PCDHGB2: variants seen among roughly 807,000 people sequenced by gnomAD.
The protein encoded by PCDHGB2 is protocadherin gamma subfamily B, 2, also known as protocadherin gamma-B2.
Under a neutral mutation model 59.3 loss-of-function variants are expected in PCDHGB2, and 55 were observed. That is an observed-to-expected ratio of 0.93 (90% CI 0.75 to 1.16). PCDHGB2 has a LOEUF of 1.16. Ranked by LOEUF, PCDHGB2 falls within the 50% of genes most tolerant of loss-of-function variation. The probability of loss-of-function intolerance (pLI) is 0.00; values close to 1 mark genes in which losing one functional copy is unlikely to be tolerated. For missense variants in PCDHGB2, 1,228 were observed against 1,198.5 expected, an observed-to-expected ratio of 1.02 and a Z score of -0.36; for synonymous variants, 516 against 512.0, an observed-to-expected ratio of 1.01 and a Z score of -0.11.
chr5:141,494,762 A>G (rs770570158), intron 1 of PCDHGB2, 45 bp from the exon 2 acceptor site: 1 of 1,613,200 alleles, frequency 6.2e-7, no homozygotes, highest in South Asian at 1.1e-5. Flanking sequence ...TGACATTCTA[A>G]CTTCTCACGG....
chr5:141,368,406 T>A (rs1160875072), intron 1 of PCDHGB2, among the ~76,000 whole-genome samples: 2 of 151,988 alleles, frequency 1.3e-5, no homozygotes, highest in Non-Finnish European at 2.9e-5. Context: ...CACACATACA[T>A]ACACACATGG....
intron 1 of PCDHGB2, among the ~76,000 whole-genome samples, chr5:141,464,286 A>AT (rs1453289283): frequency 6.6e-6 from 1 of 151,420 alleles, no homozygotes; most frequent in African/African-American, 2.4e-5. Flanking sequence ...AAGCAAAAAA[A>AT]AAAACTCCAT....
Position 141,475,063 on chromosome 5 carries a change from C to T in PCDHGB2, c.2422-19744C>T, listed in dbSNP as rs552623067. Among the ~76,000 whole-genome samples the T allele has an allele frequency of 1.1e-4, 16 of 152,320 alleles. No individual in the cohort carries two copies. The South Asian group carries it at 2.9e-3, about 28-fold the overall frequency. The stretch of plus-strand genomic sequence containing the variant: ...TTGTATTTTCTAAAGATTTGTGGAG[C>T]TTTGCTGCCATTATTTCAATAATTT... On this transcript the variant is annotated intron_variant, in intron 1 of 3. Coordinates refer to ENST00000522605, the MANE Select transcript of PCDHGB2 (RefSeq NM_018923.3).
At chr5:141,377,524 G>A (rs574411289) in intron 1 of PCDHGB2, 3 of 151,920 alleles carry the variant, frequency 2.0e-5, no homozygotes, top group Admixed American at 6.6e-5. Context: ...TAAGTCCAGG[G>A]GTATGAGGCT....
chr5:141,384,522 T>A, intron 1 of PCDHGB2: 2 of 1,614,192 alleles, frequency 1.2e-6, no homozygotes, highest in Non-Finnish European at 1.7e-6. Flanking sequence ...GGGACCCGCC[T>A]CTCAGCAGCA....
At chr5:141,430,980 T>C in intron 1 of PCDHGB2, 1 of 1,613,618 alleles carries the variant, frequency 6.2e-7, no homozygotes, top group African/African-American at 1.3e-5. Context: ...AGGACGCAGC[T>C]TTTCGCCCTG....
intron 1 of PCDHGB2, chr5:141,388,285 C>T (rs773340535): frequency 1.9e-6 from 3 of 1,613,200 alleles, no homozygotes; most frequent in Non-Finnish European, 2.5e-6. Flanking sequence ...CCAAAATTCA[C>T]GCAAAATTCC....
chr5:141,362,776 G>C (rs1407810350), intron 1 of PCDHGB2: 1 of 601,614 alleles, frequency 1.7e-6, no homozygotes, highest in Non-Finnish European at 2.8e-6. Flanking sequence ...ATATTGCACT[G>C]TATTTCTTTT....
rs1048081343 is a variant in PCDHGB2 at position 141,432,618 on chromosome 5, G to C, written c.2422-62189G>C. 6.2e-7 allele frequency: 1 copy of C among 1,612,806 alleles called. No individual in the cohort carries two copies. Among genetic ancestry groups the C allele is most frequent in the South Asian group, 1.1e-5 (1 of 90,950 alleles). ...AGCGAGCCGGGACTCTTCTCGGTGG[G>C]TCTGCACACGGGCGAGGTGCGCACG... On this transcript the variant is annotated intron_variant, in intron 1 of 3. Transcript: ENST00000522605. The surrounding 1 kb of genome is among the most constrained non-coding windows in gnomAD (Gnocchi z 6.0).
At chr5:141,414,106 C>G (rs1424739885) in intron 1 of PCDHGB2, 2 of 1,592,536 alleles carry the variant, frequency 1.3e-6, no homozygotes, top group Non-Finnish European at 1.7e-6. Context: ...ATCAGAAAAT[C>G]TAGATTATGA....
chr5:141,510,069 CCAGCAGAGTGCCTGG>C (rs994886462), intron 3 of PCDHGB2, among the ~76,000 whole-genome samples: 12 of 152,260 alleles, frequency 7.9e-5, no homozygotes, highest in Admixed American at 7.8e-4. Context: ...TGTGAAGCAT[CCAGCAGAGTGCCTGG>C]CACACAGTAG....
At chr5:141,375,216 T>G in intron 1 of PCDHGB2, 1 of 1,614,014 alleles carries the variant, frequency 6.2e-7, no homozygotes, top group Non-Finnish European at 8.5e-7. Flanking sequence ...GACTCTGGCC[T>G]GAATGGCCTG....
At chr5:141,506,787 G>A (rs55775963) in intron 3 of PCDHGB2, among the ~76,000 whole-genome samples, 1,925 of 152,270 alleles carry the variant, frequency 0.013, 43 homozygotes, top group African/African-American at 0.044. Flanking sequence ...CTTATAAGGA[G>A]GCTGGCAGAG....
Position 141,476,559 on chromosome 5 carries a change from T to C in PCDHGB2, c.2422-18248T>C. The stretch of plus-strand genomic sequence containing the variant: ...ATGAAATTGGAGATTAGCGAGGCCG[T>C]GGCTCCGGGGACGCGCTTTCCGCTC... On this transcript the variant is annotated intron_variant, in intron 1 of 3. Coordinates refer to ENST00000522605, the MANE Select transcript of PCDHGB2 (RefSeq NM_018923.3). This position sits in a 1 kb window ranked among gnomAD's most constrained non-coding sequence, Gnocchi z 7.6. 4 of 1,614,228 alleles carry C rather than the reference T, an allele frequency of 2.5e-6. No homozygotes were observed. Among genetic ancestry groups the C allele is most frequent in the Non-Finnish European group, 3.4e-6 (4 of 1,180,036 alleles).
Position 141,489,424 on chromosome 5 carries a change from C to T in PCDHGB2, c.2422-5383C>T, listed in dbSNP as rs758049228. The T allele has an allele frequency of 5.0e-5, 80 of 1,613,958 alleles. No homozygotes were observed. In the Admixed American group the frequency reaches 1.1e-3, roughly 23 times the overall value. On this transcript the variant is annotated intron_variant, in intron 1 of 3. Coordinates refer to ENST00000522605, the MANE Select transcript of PCDHGB2 (RefSeq NM_018923.3). The surrounding 1 kb of genome is among the most constrained non-coding windows in gnomAD (Gnocchi z 4.5). ...CTTAAAGATGACAGATCTGTTGAGC[C>T]GGCGGCTGCAATTGGGCTCTGAGGA...
rs753193547 is a variant in PCDHGB2, at chr5:141,362,466, G to C, written c.2331G>C (p.Ala777=). Residue 777 remains alanine, a synonymous_variant, in exon 1 of 4, where the codon GCG becomes GCC. Transcript: ENST00000522605. The part of the protein sequence containing the change: ...FLNITPELVP[A]QDLVCDNASW... ...ACATAACCCCGGAATTGGTTCCCGC[G>C]CAAGATCTCGTCTGTGACAATGCCT... is the stretch of plus-strand genomic sequence containing the variant. The C allele has an allele frequency of 1.2e-6, 2 of 1,613,924 alleles. No individual in the cohort carries two copies. The highest frequency in any genetic ancestry group is 1.3e-5 in the African/African-American group (1 of 74,936).
chr5:141,438,682 A>G (rs1282726848), intron 1 of PCDHGB2, among the ~76,000 whole-genome samples: 13 of 140,730 alleles, frequency 9.2e-5, no homozygotes, highest in Admixed American at 6.6e-4. Flanking sequence ...GGAGTAGGGG[A>G]TGGAGTCTTG....
At position 141,365,513 on chromosome 5, in the gene PCDHGB2, G is replaced by C. The variant is rs756301595; in HGVS notation, c.2421+2957G>C. The C allele has an allele frequency of 8.7e-6, 14 of 1,613,760 alleles. No homozygotes were observed. The Admixed American group carries it at 2.3e-4, about 27-fold the overall frequency. Reference sequence around the variant, plus strand: ...TCCTAGGAATTTGCCTTTTAAATTGGAGAAGTCAGTTGATAATTACTATCA... The same window carrying C: ...TCCTAGGAATTTGCCTTTTAAATTGCAGAAGTCAGTTGATAATTACTATCA... On this transcript the variant is annotated intron_variant, in intron 1 of 3. Coordinates refer to ENST00000522605, the MANE Select transcript of PCDHGB2 (RefSeq NM_018923.3).
intron 1 of PCDHGB2, among the ~76,000 whole-genome samples, chr5:141,380,390 G>A (rs1339602607): frequency 6.6e-6 from 1 of 152,198 alleles, no homozygotes; most frequent in African/African-American, 2.4e-5. Context: ...AGAAAAGAGA[G>A]AAGATAATCA....
Sources: allele counts gnomAD v4.1 joint callset (sites outside exome capture counted in the v4.1 genomes callset), GRCh38; gene constraint gnomAD v4.1.1; non-coding constraint Gnocchi (gnomAD v3.1); transcripts MANE v1.5; gene names NCBI Gene and HGNC (gene_info 2026-07-23, HGNC 2026-07-21).